PUM1: variants seen among roughly 807,000 people sequenced by gnomAD.
The protein encoded by PUM1 is pumilio homolog 1.
Under a neutral mutation model 131.8 loss-of-function variants are expected in PUM1, and 13 were observed. The observed-to-expected ratio is 0.10, with a 90% CI of 0.06 to 0.16. PUM1 has a LOEUF of 0.16. Among genes scored for constraint, PUM1 ranks in the 10% least tolerant of loss-of-function variants. The pLI is 1.00. For missense variants in PUM1, 961 were observed against 1,512.4 expected, an observed-to-expected ratio of 0.64 and a Z score of 6.05; for synonymous variants, 509 against 556.5, an observed-to-expected ratio of 0.91 and a Z score of 1.20.
chr1:30,953,058 CT>C (rs1557551362), intron 15 of PUM1, among the ~76,000 whole-genome samples: 1 of 152,082 alleles, frequency 6.6e-6, no homozygotes, highest in Middle Eastern at 3.2e-3. Context: ...AACAGTCTGC[CT>C]TTTTTTAGTC....
chr1:30,952,698 A>AG (rs1639995190), intron 15 of PUM1, among the ~76,000 whole-genome samples: 2 of 4,882 alleles, frequency 4.1e-4, no homozygotes, highest in Admixed American at 2.3e-3. Flanking sequence ...GGGGGGCGGG[A>AG]GGGGCAGGGG....
intron 3 of PUM1, among the ~76,000 whole-genome samples, chr1:31,008,578 G>A (rs922217280): frequency 6.6e-6 from 1 of 151,916 alleles, no homozygotes; most frequent in African/African-American, 2.4e-5. Context: ...ATTAGGGTCG[G>A]GAAGCACTAA....
intron 20 of PUM1, among the ~76,000 whole-genome samples, chr1:30,937,785 T>C (rs1206462221): frequency 1.3e-5 from 2 of 152,134 alleles, no homozygotes; most frequent in Non-Finnish European, 2.9e-5. Flanking sequence ...ATTTTCATTT[T>C]TGAGACAGGG....
Position 30,966,261 on chromosome 1 carries a change from C to G in PUM1, c.1807G>C (p.Ala603Pro), listed in dbSNP as rs1557558893. Residue 603 changes from alanine to proline, a missense_variant, in exon 13 of 22, where the codon GCT becomes CCT. Around this residue, in one of 4 missense-constraint regions of PUM1, gnomAD observed 654 missense variants for 923.9 expected, o/e 0.71. Coordinates refer to ENST00000426105, the MANE Select transcript of PUM1 (RefSeq NM_001020658.2). ...CCACCAGCTGCTCCATTTGCTGAAG[C>G]TGCGGCTGCTGCAACAGCTATGAAG... ...AAQAAVAAAA[A>P]SANGAAGGLA... 1.9e-6 allele frequency: 3 copies of G among 1,599,288 alleles called. No homozygotes were observed. Among genetic ancestry groups the G allele is most frequent in the South Asian group, 1.1e-5 (1 of 89,528 alleles).
At chr1:30,988,370 G>C (rs1484631268) in intron 7 of PUM1, among the ~76,000 whole-genome samples, 2 of 152,104 alleles carry the variant, frequency 1.3e-5, no homozygotes, top group Non-Finnish European at 2.9e-5. Flanking sequence ...TAATAAGTTT[G>C]ATGAAACCAG....
At position 30,941,375 on chromosome 1, in the gene PUM1, A is replaced by G. The variant is rs868026829; in HGVS notation, c.3121-103T>C. The G allele has an allele frequency of 5.3e-5, 65 of 1,218,754 alleles. No individual in the cohort carries two copies. The Middle Eastern group carries it at 7.6e-4, about 14-fold the overall frequency. 75.5% of individuals were successfully genotyped at this position (1,218,754 alleles called of 1,614,324 possible). A position where few individuals can be genotyped will look rare whatever the true frequency, so the allele number is the denominator to read the frequency against. On this transcript the variant is annotated intron_variant, in intron 19 of 21. Coordinates refer to ENST00000426105, the MANE Select transcript of PUM1 (RefSeq NM_001020658.2). ...TAAAACCTGTCTTTCTTTTACCACCATAACGGTTTATATGAATACTAATGA... is the reference window on the plus strand; with the variant it reads ...TAAAACCTGTCTTTCTTTTACCACCGTAACGGTTTATATGAATACTAATGA...
intron 9 of PUM1, among the ~76,000 whole-genome samples, chr1:30,975,134 G>T (rs559823569): frequency 1.3e-5 from 2 of 152,126 alleles, no homozygotes; most frequent in Non-Finnish European, 2.9e-5. Flanking sequence ...TTGGTAGAAG[G>T]GAGTAAATGG....
intron 3 of PUM1, among the ~76,000 whole-genome samples, chr1:31,009,109 G>A (rs1208169574): frequency 6.6e-6 from 1 of 151,756 alleles, no homozygotes; most frequent in African/African-American, 2.4e-5. Flanking sequence ...CTTGAACCCA[G>A]GAGTGGGAGG....
chr1:30,979,533 C>CT (rs2124466572), intron 9 of PUM1, among the ~76,000 whole-genome samples: 1 of 152,176 alleles, frequency 6.6e-6, no homozygotes, highest in Non-Finnish European at 1.5e-5. Flanking sequence ...ACCCCGACTC[C>CT]AAGTAAGTTG....
chr1:30,989,298 G>A (rs766743455), intron 7 of PUM1, among the ~76,000 whole-genome samples: 8 of 152,046 alleles, frequency 5.3e-5, no homozygotes, highest in African/African-American at 1.7e-4. Context: ...CTGGCTGGGC[G>A]CAGTGGCTCA....
rs1039496107 is a variant in PUM1 at position 30,952,089 on chromosome 1, A to G, written c.2721+145T>C. 8.4e-6 allele frequency: 6 copies of G among 713,936 alleles called. No individual in the cohort carries two copies. In the African/African-American group the frequency reaches 1.1e-4, roughly 13 times the overall value. The allele number at this position is 713,936 out of a possible 1,614,324, so 44.2% of individuals were successfully genotyped here. On this transcript the variant is annotated intron_variant, in intron 16 of 21. Transcript: ENST00000426105. ...AGATAGACTGCTGCTAATGAATTGG[A>G]AAAACACTAAAAACCTCTTCAAAAA...
At chr1:31,032,698 T>G (rs1435928479) in intron 2 of PUM1, among the ~76,000 whole-genome samples, 5 of 152,194 alleles carry the variant, frequency 3.3e-5, no homozygotes, top group Non-Finnish European at 5.9e-5. Context: ...TCCCAGCTAC[T>G]CATGAGGCTA....
At chr1:30,993,065 G>A (rs934994457) in intron 6 of PUM1, among the ~76,000 whole-genome samples, 1 of 152,120 alleles carries the variant, frequency 6.6e-6, no homozygotes, top group African/African-American at 2.4e-5. Flanking sequence ...GTTTCTGGGG[G>A]AAATTCCACA....
intron 3 of PUM1, among the ~76,000 whole-genome samples, chr1:31,016,307 C>T (rs993957204): frequency 3.3e-5 from 5 of 152,060 alleles, no homozygotes; most frequent in Non-Finnish European, 5.9e-5. Flanking sequence ...AATAAACTTC[C>T]AACTCATTTT....
intron 10 of PUM1, among the ~76,000 whole-genome samples, chr1:30,972,282 G>A (rs1190487664): frequency 0.026 from 16 of 622 alleles, no homozygotes; most frequent in East Asian, 0.042. Flanking sequence ...GGAAGGGAAG[G>A]GAAGGGGAGG....
chr1:31,046,310 C>T (rs542250235), intron 2 of PUM1, among the ~76,000 whole-genome samples: 4 of 151,976 alleles, frequency 2.6e-5, no homozygotes, highest in East Asian at 2.0e-4. Context: ...TGCTTGAACC[C>T]GGGAGGTGGA....
chr1:31,005,644 T>TCAA (rs1642373478), intron 5 of PUM1, among the ~76,000 whole-genome samples: 1 of 152,228 alleles, frequency 6.6e-6, no homozygotes, highest in Non-Finnish European at 1.5e-5. Flanking sequence ...CAAAACATTA[T>TCAA]TACTTTAGTT....
intron 2 of PUM1, among the ~76,000 whole-genome samples, chr1:31,034,232 A>G (rs1005668395): frequency 7.2e-5 from 11 of 152,186 alleles, no homozygotes; most frequent in African/African-American, 2.4e-4. Context: ...TTTACAATGA[A>G]CGTCCCTTTA....
rs58848270 is a variant in PUM1, at chr1:30,942,191, TTATATATATATATA to T, written c.2995-82_2995-69del. ...ACCACCTTCAATGCTTCAGTATTGT[TTATATATATATATA>T]TATATATATATATATATATATATAT... On this transcript the variant is annotated intron_variant, in intron 18 of 21. Transcript: ENST00000426105. 8.1e-3 allele frequency: 1,175 copies of T among 145,078 alleles called. 34 individuals are homozygous for T. Among genetic ancestry groups the T allele is most frequent in the African/African-American group, 0.027 (450 of 16,596 alleles). The allele number at this position is 145,078 out of a possible 1,614,324, so 9.0% of individuals were successfully genotyped here.
Sources: gnomAD v4.1 joint callset for allele counts (sites outside exome capture counted in the v4.1 genomes callset) on GRCh38, gnomAD v4.1.1 for gene constraint, gnomAD v4.1.1 regional missense constraint, MANE v1.5 for transcripts, NCBI Gene and HGNC (gene_info 2026-07-23, HGNC 2026-07-21) for gene names.